The following PES1 variants were observed in gnomAD, a reference collection of about 807,000 sequenced individuals.
PES1 encodes pescadillo homolog.
PES1 carries 31 observed loss-of-function variants against 77.1 expected under a neutral mutation model. The ratio of observed to expected loss-of-function variants is 0.40; its 90% CI spans 0.30 to 0.54. The LOEUF is 0.54. Ranked by LOEUF, PES1 falls within the 20% of genes least tolerant of loss-of-function variation. The pLI, the probability that PES1 is intolerant of heterozygous loss-of-function variation, is 0.45. For synonymous variants in PES1, 282 were observed against 303.0 expected (o/e 0.93, Z 0.72); for missense variants, 658 against 771.7 (o/e 0.85, Z 1.75).
intron 2 of PES1, chr22:30,605,386 C>T: frequency 1.1e-6 from 1 of 881,326 alleles, no homozygotes; most frequent in Non-Finnish European, 1.4e-6. Flanking sequence ...GGGGGTGTCT[C>T]CCTCCTTTAC....
chr22:30,597,215 G>A (rs1032842123), intron 2 of PES1, among the ~76,000 whole-genome samples: 4 of 151,916 alleles, frequency 2.6e-5, no homozygotes, highest in East Asian at 3.9e-4. Context: ...CCCAGCGCCC[G>A]GTCACATCAA....
At chr22:30,600,107 A>G (rs1490306355) in intron 2 of PES1, among the ~76,000 whole-genome samples, 2 of 151,926 alleles carry the variant, frequency 1.3e-5, no homozygotes, top group East Asian at 3.9e-4. Context: ...AGAGACAGGC[A>G]GATAGCCTGA....
chr22:30,597,812 G>C (rs995096702), intron 2 of PES1, among the ~76,000 whole-genome samples: 8 of 151,288 alleles, frequency 5.3e-5, no homozygotes, highest in Non-Finnish European at 8.8e-5. Flanking sequence ...CCAGATAAGA[G>C]AATAAAAGCA....
intron 14 of PES1, among the ~76,000 whole-genome samples, chr22:30,577,712 T>C (rs771024141): frequency 2.6e-5 from 4 of 152,000 alleles, no homozygotes; most frequent in Non-Finnish European, 5.9e-5. Context: ...CCAACGCTGG[T>C]CTTGAACTCC....
upstream of PES1, chr22:30,592,510 T>G: frequency 1.3e-6 from 1 of 756,570 alleles, no homozygotes; most frequent in Non-Finnish European, 1.6e-6. Context: ...AAAATGTACA[T>G]TCAAGGCTGG....
chr22:30,577,253 A>T, intron 14 of PES1, 124 bp from the exon 15 acceptor site: 1 of 805,804 alleles, frequency 1.2e-6, no homozygotes, highest in Non-Finnish European at 2.1e-6. Flanking sequence ...TCTCACAGGA[A>T]AAAAATCTAC....
At chr22:30,606,357 A>G (rs1227823824) in intron 1 of PES1, among the ~76,000 whole-genome samples, 2 of 152,084 alleles carry the variant, frequency 1.3e-5, no homozygotes, top group Admixed American at 6.5e-5. Flanking sequence ...CAGCCCCCCA[A>G]GTAGCTGGGA....
intron 3 of PES1, 115 bp from the exon 4 acceptor site, chr22:30,587,510 A>G: frequency 4.0e-6 from 3 of 743,706 alleles, no homozygotes; most frequent in Non-Finnish European, 6.7e-6. Flanking sequence ...GAAGCTGGCC[A>G]CGGCTATGTG....
At chr22:30,589,354 A>C in intron 1 of PES1, 84 bp from the exon 2 acceptor site, 1 of 1,128,794 alleles carries the variant, frequency 8.9e-7, no homozygotes, top group Non-Finnish European at 1.3e-6. Context: ...TTCCAGAGGC[A>C]ACTATCACTC....
intron 1 of PES1, among the ~76,000 whole-genome samples, chr22:30,591,546 T>C (rs913082963): frequency 6.6e-6 from 1 of 152,196 alleles, no homozygotes; most frequent in African/African-American, 2.4e-5. Context: ...CTCGGCCTGC[T>C]TTTGGAATGA....
chr22:30,581,242 A>G, intron 8 of PES1, 92 bp downstream of exon 8: 1 of 1,447,874 alleles, frequency 6.9e-7, no homozygotes, highest in South Asian at 1.2e-5. Flanking sequence ...CCTAGCCATA[A>G]CCACCCCCAC....
upstream of PES1, among the ~76,000 whole-genome samples, chr22:30,595,311 G>A (rs1208660615): frequency 5.9e-5 from 9 of 152,004 alleles, no homozygotes; most frequent in African/African-American, 2.2e-4. Context: ...AGGCCAAGGC[G>A]GGTGGATCAC....
Position 30,606,929 on chromosome 22 carries a change from A to C in PES1, c.-838T>G, listed in dbSNP as rs1048216174. Reference sequence around the variant, plus strand: ...CCGGTCCTGCCAATCCACCACTGGAACAGCTGGGGGGACAGCAGACAGGCA... The same window carrying C: ...CCGGTCCTGCCAATCCACCACTGGACCAGCTGGGGGGACAGCAGACAGGCA... On this transcript the variant is annotated 5_prime_UTR_variant, in exon 1 of 17. Coordinates refer to the PES1 transcript ENST00000402281. The C allele has an allele frequency of 1.1e-5, 11 of 1,045,416 alleles. No individual in the cohort carries two copies. In the African/African-American group the frequency reaches 1.2e-4, roughly 11 times the overall value. The allele number at this position is 1,045,416 out of a possible 1,614,324, so 64.8% of individuals were successfully genotyped here.
chr22:30,591,684 G>T, intron 1 of PES1, 126 bp downstream of exon 1: 2 of 1,089,752 alleles, frequency 1.8e-6, no homozygotes, highest in East Asian at 2.8e-5. Context: ...TCTCGCAGCT[G>T]ATTACGGTCA....
At chr22:30,589,769 G>A (rs2146478875) in intron 1 of PES1, among the ~76,000 whole-genome samples, 1 of 151,312 alleles carries the variant, frequency 6.6e-6, no homozygotes, top group East Asian at 1.9e-4. Context: ...CTAAGCCAGT[G>A]TTCCTAATCT....
exon 1 of PES1, chr22:30,606,821 G>C (rs2087456411): frequency 1.0e-6 from 1 of 1,001,856 alleles, no homozygotes; most frequent in African/African-American, 1.7e-5. Flanking sequence ...GACCACTGCA[G>C]CTGCAGCTCC....
rs987290065 is a variant in PES1 at position 30,606,830 on chromosome 22, C to G, written c.-739G>C. The G allele has an allele frequency of 7.0e-6, 7 of 1,004,458 alleles. No individual in the cohort carries two copies. In the African/African-American group the frequency reaches 1.0e-4, roughly 15 times the overall value. 62.2% of individuals were successfully genotyped at this position (1,004,458 alleles called of 1,614,324 possible). A position where few individuals can be genotyped will look rare whatever the true frequency, so the allele number is the denominator to read the frequency against. On this transcript the variant is annotated 5_prime_UTR_variant, in exon 1 of 17. Transcript: ENST00000402281. ...TCACGTGACCACTGCAGCTGCAGCT[C>G]CCGTTCCACTCCTTGTCCTGGGCTA...
chr22:30,579,566 T>G, intron 12 of PES1, 185 bp downstream of exon 12: 2 of 699,054 alleles, frequency 2.9e-6, no homozygotes, highest in Non-Finnish European at 4.8e-6. Context: ...TCAGTCATCC[T>G]GAACGTCAAA....
chr22:30,578,437 G>C (rs1166853895), intron 14 of PES1, among the ~76,000 whole-genome samples: 2 of 152,204 alleles, frequency 1.3e-5, no homozygotes, highest in African/African-American at 4.8e-5. Context: ...CAGGGTTCCA[G>C]GGTGCATGAG....
Sources: gnomAD v4.1 joint callset for allele counts (sites outside exome capture counted in the v4.1 genomes callset) on GRCh38, gnomAD v4.1.1 for gene constraint, MANE v1.5 for transcripts, NCBI Gene and HGNC (gene_info 2026-07-23, HGNC 2026-07-21) for gene names.